PCDH15: variants seen among roughly 807,000 people sequenced by gnomAD.
PCDH15 encodes protocadherin related 15.
In PCDH15, 129 loss-of-function variants were observed where a neutral mutation model predicts 178.5. The ratio of observed to expected loss-of-function variants is 0.72; its 90% CI spans 0.63 to 0.84. PCDH15 has a LOEUF of 0.84. Among genes scored for constraint, PCDH15 ranks in the 40% least tolerant of loss-of-function variants. The pLI, the probability that PCDH15 is intolerant of heterozygous loss-of-function variation, is 0.00. For missense variants in PCDH15, 2,230 were observed against 2,099.9 expected, an observed-to-expected ratio of 1.06 and a Z score of -1.21; for synonymous variants, 800 against 732.0, an observed-to-expected ratio of 1.09 and a Z score of -1.50.
chr10:54,628,738 G>T (rs1286582648), intron 2 of PCDH15, among the ~76,000 whole-genome samples: 1 of 152,044 alleles, frequency 6.6e-6, no homozygotes, highest in African/African-American at 2.4e-5. Flanking sequence ...ATATGACATG[G>T]TTCTTGAGTC....
chr10:55,582,619 TATATA>T (rs1352786125), intron 2 of PCDH15, among the ~76,000 whole-genome samples: 102 of 102,758 alleles, frequency 9.9e-4, no homozygotes, highest in Middle Eastern at 4.8e-3. Flanking sequence ...TATATATATA[TATATA>T]TATATTTTTT....
intron 2 of PCDH15, among the ~76,000 whole-genome samples, chr10:55,080,053 G>A (rs540692592): frequency 5.9e-5 from 9 of 152,194 alleles, no homozygotes; most frequent in Admixed American, 3.3e-4. Context: ...TTGTGTTGGT[G>A]GGGTTGTCTT....
At chr10:54,031,794 AGTT>A (rs1049880062) in intron 18 of PCDH15, among the ~76,000 whole-genome samples, 10 of 152,168 alleles carry the variant, frequency 6.6e-5, no homozygotes, top group African/African-American at 1.9e-4. Flanking sequence ...TCAGGAAAAG[AGTT>A]GTTGTCATGT....
intron 2 of PCDH15, among the ~76,000 whole-genome samples, chr10:55,508,760 A>G (rs1840815709): frequency 6.6e-6 from 1 of 151,698 alleles, no homozygotes; most frequent in Admixed American, 6.6e-5. Context: ...ACTGCACTAT[A>G]CTGTATACAG....
At chr10:55,431,802 C>T (rs548507442) in intron 2 of PCDH15, among the ~76,000 whole-genome samples, 1 of 151,948 alleles carries the variant, frequency 6.6e-6, no homozygotes, top group African/African-American at 2.4e-5. Context: ...CAAATGTCAT[C>T]CCCATTAAAA....
At chr10:54,252,776 AT>A (rs944351113) in intron 8 of PCDH15, among the ~76,000 whole-genome samples, 50 of 148,668 alleles carry the variant, frequency 3.4e-4, no homozygotes, top group South Asian at 4.2e-4. Context: ...TTTTCTCAGG[AT>A]TTTTTTTTTT....
At chr10:54,800,394 A>T (rs937806605) in intron 1 of PCDH15, among the ~76,000 whole-genome samples, 7 of 152,188 alleles carry the variant, frequency 4.6e-5, no homozygotes, top group Admixed American at 2.0e-4. Flanking sequence ...AAACTAAAAC[A>T]TCCACAGTAA....
chr10:55,116,856 G>A (rs1564811264), intron 2 of PCDH15, among the ~76,000 whole-genome samples: 1 of 152,134 alleles, frequency 6.6e-6, no homozygotes, highest in Non-Finnish European at 1.5e-5. Context: ...CCTCATTCCA[G>A]AAGTACTTTC....
At chr10:54,604,275 A>T (rs2134133547) in intron 2 of PCDH15, among the ~76,000 whole-genome samples, 1 of 152,042 alleles carries the variant, frequency 6.6e-6, no homozygotes, top group South Asian at 2.1e-4. Context: ...AAAGTTCTGT[A>T]GATGTCTGTT....
intron 16 of PCDH15, among the ~76,000 whole-genome samples, chr10:54,082,124 G>C (rs2094445123): frequency 6.6e-6 from 1 of 152,144 alleles, no homozygotes; most frequent in Non-Finnish European, 1.5e-5. Flanking sequence ...TTTCTGGAGG[G>C]AGCGAGCTAT....
In PCDH15 at chr10:53,806,082, T is replaced by A. The variant is rs1841131549; in HGVS notation, c.*497A>T. ...TTACAGGTGATTCCCTCATTTACTTTACTTTGCAATTCTAGCTTTCATTTT... is the reference window on the plus strand; with the variant it reads ...TTACAGGTGATTCCCTCATTTACTTAACTTTGCAATTCTAGCTTTCATTTT... On this transcript the variant is annotated 3_prime_UTR_variant, in exon 38 of 38. Transcript: ENST00000644397. 1 of 153,868 alleles carries A rather than the reference T, an allele frequency of 6.5e-6. No homozygotes were observed. Among genetic ancestry groups the A allele is most frequent in the South Asian group, 2.0e-4 (1 of 4,972 alleles). 9.5% of individuals were successfully genotyped at this position (153,868 alleles called of 1,614,324 possible).
chr10:54,192,116 A>AAT (rs1554832228), intron 11 of PCDH15, among the ~76,000 whole-genome samples: 1 of 140,700 alleles, frequency 7.1e-6, no homozygotes, highest in African/African-American at 2.6e-5. Flanking sequence ...AGAAAAAAAA[A>AAT]AAAGAAAGAA....
Position 53,995,725 on chromosome 10 carries a change from T to C in PCDH15, c.2792A>G (p.Tyr931Cys). 6.2e-7 allele frequency: 1 copy of C among 1,613,906 alleles called. No homozygotes were observed. Among genetic ancestry groups the C allele is most frequent in the Non-Finnish European group, 8.5e-7 (1 of 1,179,826 alleles). Residue 931 changes from tyrosine (Y) to cysteine (C), a missense_variant, in exon 21 of 38, where the codon TAC becomes TGC. Coordinates refer to ENST00000644397, the MANE Select transcript of PCDH15 (RefSeq NM_001384140.1). ...TGCATCCGGAGCCACCATCCCTTTGTATATTCGTTTACTAAAGACAGGAGG... is the reference window on the plus strand; with the variant it reads ...TGCATCCGGAGCCACCATCCCTTTGCATATTCGTTTACTAAAGACAGGAGG... ...DYPPVFSKRI[Y>C]KGMVAPDAVK...
intron 15 of PCDH15, among the ~76,000 whole-genome samples, chr10:54,117,055 T>C (rs1031919728): frequency 2.6e-5 from 4 of 152,292 alleles, no homozygotes; most frequent in Non-Finnish European, 4.4e-5. Flanking sequence ...TGGCACCTTC[T>C]ACCTGAGGAT....
chr10:55,519,718 T>C (rs905224572), intron 2 of PCDH15, among the ~76,000 whole-genome samples: 7 of 148,322 alleles, frequency 4.7e-5, no homozygotes, highest in Non-Finnish European at 1.0e-4. Context: ...TCTCCAAAAT[T>C]TATTCCATTA....
rs143923476 is a variant in PCDH15 at position 55,377,617 on chromosome 10, T to C, written c.-155-210966A>G. Among the ~76,000 whole-genome samples the C allele has an allele frequency of 9.1e-3, 1,389 of 152,196 alleles. 26 individuals carry two copies. The highest frequency in any genetic ancestry group is 0.032 in the African/African-American group (1,339 of 41,536). Reference sequence around the variant, plus strand: ...ATAAAATAAGTCATTTTTTATGACATTTATATTTGACCTTTACATAGAGGC... The same window carrying C: ...ATAAAATAAGTCATTTTTTATGACACTTATATTTGACCTTTACATAGAGGC... On this transcript the variant is annotated intron_variant, in intron 2 of 5. Transcript: ENST00000613346.
intron 3 of PCDH15, among the ~76,000 whole-genome samples, chr10:54,435,849 A>G (rs1307938021): frequency 7.9e-5 from 12 of 152,130 alleles, no homozygotes; most frequent in Middle Eastern, 3.4e-3. Flanking sequence ...GGGCGCCTGT[A>G]GTCCCAGCTA....
intron 1 of PCDH15, among the ~76,000 whole-genome samples, chr10:54,677,949 T>TG (rs1280060857): frequency 6.6e-6 from 1 of 152,114 alleles, no homozygotes; most frequent in Non-Finnish European, 1.5e-5. Flanking sequence ...ATAATCACAA[T>TG]CTTTGAAAAT....
intron 2 of PCDH15, among the ~76,000 whole-genome samples, chr10:54,574,942 C>A (rs1320636178): frequency 6.7e-6 from 1 of 149,052 alleles, no homozygotes; most frequent in African/African-American, 2.5e-5. Context: ...AACTGTGGCA[C>A]ATATACACCA....
Sources: allele counts gnomAD v4.1 joint callset (sites outside exome capture counted in the v4.1 genomes callset), GRCh38; gene constraint gnomAD v4.1.1; transcripts MANE v1.5; gene names NCBI Gene and HGNC (gene_info 2026-07-23, HGNC 2026-07-21).